MMP26: variants seen among roughly 807,000 people sequenced by gnomAD.
MMP26 encodes the protein matrix metallopeptidase 26, also known as matrix metalloproteinase-26.
In MMP26, 33 loss-of-function variants were observed where a neutral mutation model predicts 31.0. That is an observed-to-expected ratio of 1.06 (90% CI 0.81 to 1.42). The LOEUF (loss-of-function observed/expected upper bound fraction) is 1.42. MMP26 is among the 40% of genes most tolerant of loss of function. MMP26 has a pLI of 0.00. For synonymous variants in MMP26, 122 were observed against 114.9 expected (o/e 1.06, Z -0.40); for missense variants, 347 against 316.1 (o/e 1.10, Z -0.74).
At chr11:4,713,677 T>C (rs909120420) in intron 1 of MMP26, among the ~76,000 whole-genome samples, 2 of 151,988 alleles carry the variant, frequency 1.3e-5, no homozygotes, top group African/African-American at 4.8e-5. Flanking sequence ...TTGGGGGGCA[T>C]AGAGTGAAGC....
At chr11:4,836,763 G>A (rs980307999) in intron 2 of MMP26, among the ~76,000 whole-genome samples, 25 of 146,508 alleles carry the variant, frequency 1.7e-4, no homozygotes, top group Non-Finnish European at 2.7e-4. Flanking sequence ...AGGTTCAAGC[G>A]ATTTTCCTGC....
chr11:4,730,404 A>AAGAGAGAGAGAGAGAGAGAGAGAGAGAG (rs59289871), intron 1 of MMP26, among the ~76,000 whole-genome samples: 111 of 145,004 alleles, frequency 7.7e-4, no homozygotes, highest in African/African-American at 2.6e-3. Context: ...GTTTCTGGGA[A>AAGAGAGAGAGAGAGAGAGAGAGAGAGAG]AGAGAGAGAG....
chr11:4,907,109 A>AAAAAAAAAT (rs1564804260), intron 2 of MMP26, among the ~76,000 whole-genome samples: 3 of 150,790 alleles, frequency 2.0e-5, no homozygotes, highest in African/African-American at 4.9e-5. Flanking sequence ...AAAAAAAAAA[A>AAAAAAAAAT]AAAAAATCCT....
chr11:4,714,918 T>TCACA (rs1404204139), intron 1 of MMP26, among the ~76,000 whole-genome samples: 5 of 130,342 alleles, frequency 3.8e-5, no homozygotes, highest in South Asian at 2.4e-4. Context: ...TCTCTCTCTC[T>TCACA]CTCACACACA....
chr11:4,900,693 A>T (rs943687161), intron 2 of MMP26, among the ~76,000 whole-genome samples: 7 of 152,258 alleles, frequency 4.6e-5, no homozygotes, highest in Non-Finnish European at 8.8e-5. Context: ...TTATATAAAG[A>T]TCTTCAAACT....
chr11:4,907,857 T>C (rs374700851), intron 2 of MMP26: 2 of 1,613,734 alleles, frequency 1.2e-6, no homozygotes, highest in African/African-American at 2.7e-5. Flanking sequence ...CCCTTCACCT[T>C]AAGGAGATTA....
intron 2 of MMP26, among the ~76,000 whole-genome samples, chr11:4,805,546 T>G (rs1849255723): frequency 1.3e-5 from 2 of 152,180 alleles, no homozygotes. Context: ...CCAACCTCTG[T>G]CCTAGAAGAG....
chr11:4,708,478 G>A (rs114354938), intron 1 of MMP26, among the ~76,000 whole-genome samples: 1 of 152,084 alleles, frequency 6.6e-6, no homozygotes, highest in Non-Finnish European at 1.5e-5. Context: ...CTTTCTCAGG[G>A]TCAGACCTTC....
chr11:4,743,686 C>T (rs1184632880), intron 1 of MMP26, among the ~76,000 whole-genome samples: 2 of 152,190 alleles, frequency 1.3e-5, no homozygotes. Flanking sequence ...TGAGACTCAG[C>T]ACTGCACTTC....
At chr11:4,731,059 C>G (rs1318514599) in intron 1 of MMP26, among the ~76,000 whole-genome samples, 1 of 152,152 alleles carries the variant, frequency 6.6e-6, no homozygotes, top group Non-Finnish European at 1.5e-5. Flanking sequence ...ATTCTCCTGC[C>G]TCAGCCTCTC....
At chr11:4,856,726 T>A (rs1031394647) in intron 2 of MMP26, among the ~76,000 whole-genome samples, 1 of 152,170 alleles carries the variant, frequency 6.6e-6, no homozygotes, top group African/African-American at 2.4e-5. Context: ...GCAGACCTAA[T>A]AGACATCTAC....
At chr11:4,801,416 A>G (rs549219003) in intron 2 of MMP26, among the ~76,000 whole-genome samples, 4 of 152,270 alleles carry the variant, frequency 2.6e-5, no homozygotes, top group South Asian at 4.1e-4. Context: ...AAAGTGTGCA[A>G]TCATGGCAGA....
At chr11:4,936,262 A>G (rs1846110030) in intron 2 of MMP26, among the ~76,000 whole-genome samples, 1 of 150,374 alleles carries the variant, frequency 6.7e-6, no homozygotes, top group South Asian at 2.1e-4. Context: ...AGCTCCTGTT[A>G]TTGATCTATT....
Position 4,939,591 on chromosome 11 carries a change from A to G in MMP26, c.-144-48477A>G, listed in dbSNP as rs148870948. 3.1e-3 allele frequency among the ~76,000 whole-genome samples: 479 copies of G among 152,272 alleles called. 1 individual carries two copies. Among genetic ancestry groups the G allele is most frequent in the Middle Eastern group, 0.01 (3 of 294 alleles). ...CATGCAATTTTCCTCATTTTTAATT[A>G]CCTGTCAATGTTGGATTCAGACTTT... On this transcript the variant is annotated intron_variant, in intron 2 of 7. Transcript: ENST00000380390.
intron 2 of MMP26, among the ~76,000 whole-genome samples, chr11:4,818,728 T>A (rs1849453613): frequency 6.6e-6 from 1 of 152,214 alleles, no homozygotes; most frequent in Non-Finnish European, 1.5e-5. Flanking sequence ...ATTGTCATTG[T>A]TATTCAGCTT....
At chr11:4,841,595 G>A (rs1849796924) in intron 2 of MMP26, among the ~76,000 whole-genome samples, 1 of 152,092 alleles carries the variant, frequency 6.6e-6, no homozygotes, top group Non-Finnish European at 1.5e-5. Context: ...GACTTTCCCA[G>A]ACAAACAAAG....
chr11:4,849,662 G>A (rs745978649), intron 2 of MMP26, among the ~76,000 whole-genome samples: 1 of 151,908 alleles, frequency 6.6e-6, no homozygotes, highest in Non-Finnish European at 1.5e-5. Context: ...TTCTTATTAA[G>A]TCCCCAATTA....
chr11:4,860,431 C>T (rs1416447961), intron 2 of MMP26: 1 of 471,058 alleles, frequency 2.1e-6, no homozygotes, highest in Non-Finnish European at 4.4e-6. Context: ...TAGGATGGTA[C>T]CATTTCCCAG....
chr11:4,923,757 T>C (rs754230678), intron 2 of MMP26: 58 of 1,613,824 alleles, frequency 3.6e-5, no homozygotes, highest in Non-Finnish European at 4.9e-5. Flanking sequence ...TGATTGACAA[T>C]GATGCTAGAG....
Sources: gnomAD v4.1 joint callset for allele counts (sites outside exome capture counted in the v4.1 genomes callset) on GRCh38, gnomAD v4.1.1 for gene constraint, MANE v1.5 for transcripts, NCBI Gene and HGNC (gene_info 2026-07-23, HGNC 2026-07-21) for gene names.